LMNA: variants seen among roughly 807,000 people sequenced by gnomAD.
LMNA encodes lamin A/C, also known as lamin.
In LMNA, 20 loss-of-function variants were observed where a neutral mutation model predicts 70.4. That is an observed-to-expected ratio of 0.28 (90% CI 0.20 to 0.41). LMNA has a LOEUF of 0.41. Among genes scored for constraint, LMNA ranks in the 10% least tolerant of loss-of-function variants. LMNA has a pLI of 1.00. For synonymous variants in LMNA, 339 were observed against 372.8 expected, an observed-to-expected ratio of 0.91 and a Z score of 1.04; for missense variants, 652 against 917.2, an observed-to-expected ratio of 0.71 and a Z score of 3.73.
At position 156,121,130 on chromosome 1, in the gene LMNA, A is replaced by G. The variant is rs188397861; in HGVS notation, c.356+5856A>G. Among the ~76,000 whole-genome samples, 17 of 147,596 alleles carry G rather than the reference A, an allele frequency of 1.2e-4. No individual in the cohort carries two copies. The East Asian group carries it at 3.2e-3, about 28-fold the overall frequency. The stretch of plus-strand genomic sequence containing the variant: ...AGTGGCATGATCTTGGCTTACTGCA[A>G]TCTCCACCTCCCAGGCTCAAGTGAT... On this transcript the variant is annotated intron_variant, in intron 1 of 11. Coordinates refer to ENST00000368300, the MANE Select transcript of LMNA (RefSeq NM_170707.4).
At chr1:156,085,023 G>A (rs939199361) in intron 2 of LMNA, among the ~76,000 whole-genome samples, 3 of 152,186 alleles carry the variant, frequency 2.0e-5, no homozygotes, top group African/African-American at 7.2e-5. Context: ...GACCCACTTC[G>A]TCCCTGACCC....
chr1:156,138,580 G>T lies in LMNA; in HGVS notation c.1791G>T (p.Lys597Asn). ...GGACCTGCGGGCAGCCTGCCGACAAGGCATCTGCCAGCGGCTCAGGAGCCC... is the reference window on the plus strand; with the variant it reads ...GGACCTGCGGGCAGCCTGCCGACAATGCATCTGCCAGCGGCTCAGGAGCCC... Reference protein sequence around the residue: ...LCGTCGQPADKASASGSGAQV... With the variant: ...LCGTCGQPADNASASGSGAQV... The change falls in exon 11 of 12, where the codon AAG becomes AAT. Residue 597 changes from lysine (K) to asparagine (N), a missense_variant. By Grantham distance (94) the Lys-to-Asn change is moderately conservative. Coordinates refer to ENST00000368300, the MANE Select transcript of LMNA (RefSeq NM_170707.4). This position sits in a 1 kb window ranked among gnomAD's most constrained non-coding sequence, Gnocchi z 5.5. 6.2e-7 allele frequency: 1 copy of T among 1,612,872 alleles called. No homozygotes were observed. Among genetic ancestry groups the T allele is most frequent in the Non-Finnish European group, 8.5e-7 (1 of 1,179,854 alleles).
intron 1 of LMNA, among the ~76,000 whole-genome samples, chr1:156,118,532 A>G (rs1204676004): frequency 6.6e-6 from 1 of 152,110 alleles, no homozygotes; most frequent in African/African-American, 2.4e-5. Context: ...GTGGATTTGC[A>G]CACCTGGATC....
At chr1:156,125,504 A>T (rs1226427005) in intron 1 of LMNA, among the ~76,000 whole-genome samples, 1 of 152,042 alleles carries the variant, frequency 6.6e-6, no homozygotes, top group Non-Finnish European at 1.5e-5. Flanking sequence ...CCTGGCCAAC[A>T]TGGCGAAACC....
upstream of LMNA, among the ~76,000 whole-genome samples, chr1:156,113,578 G>A (rs1649621291): frequency 2.6e-5 from 4 of 152,304 alleles, no homozygotes; most frequent in Admixed American, 2.6e-4. Flanking sequence ...GCTGGCCTTT[G>A]CAGCCAGCAA....
chr1:156,133,327 T>C (rs918155710), intron 2 of LMNA, among the ~76,000 whole-genome samples: 3 of 151,598 alleles, frequency 2.0e-5, no homozygotes. Flanking sequence ...AATCCCAGCA[T>C]TTTGGGAGGC....
chr1:156,108,117 A>C (rs1649416983), intron 3 of LMNA, among the ~76,000 whole-genome samples: 1 of 152,084 alleles, frequency 6.6e-6, no homozygotes, highest in Non-Finnish European at 1.5e-5. Flanking sequence ...CCTACCTCAT[A>C]AGATTGAGGT....
chr1:156,136,129 G>T lies in LMNA; in HGVS notation c.1157+8G>T. 6.2e-6 allele frequency: 10 copies of T among 1,613,940 alleles called. No homozygotes were observed. Among genetic ancestry groups the T allele is most frequent in the Non-Finnish European group, 8.5e-6 (10 of 1,180,004 alleles). On this transcript the variant is annotated splice_region_variant and intron_variant, in intron 6 of 11. Transcript: ENST00000368300. This position sits in a 1 kb window ranked among gnomAD's most constrained non-coding sequence, Gnocchi z 6.1. Reference sequence around the variant, plus strand: ...GGAGGGCGAGGAGGAGAGGTGGGCTGGGGAGACGTCGGGGAGGTGCTGGCA... The same window carrying T: ...GGAGGGCGAGGAGGAGAGGTGGGCTTGGGAGACGTCGGGGAGGTGCTGGCA...
chr1:156,126,573 G>A lies in LMNA; in HGVS notation c.357-4044G>A, dbSNP rs887429773. The A allele has an allele frequency of 3.7e-6, 3 of 805,652 alleles. No homozygotes were observed. The African/African-American group carries it at 5.0e-5, about 14-fold the overall frequency. The allele number at this position is 805,652 out of a possible 1,614,324, so 49.9% of individuals were successfully genotyped here. On this transcript the variant is annotated intron_variant, in intron 1 of 11. Transcript: ENST00000368300. ...CTTCCCCAAACAGCCCCAAGGGCCC[G>A]GGCCTGCTGCAGCTGGGGAGCCGGA...
At chr1:156,083,647 A>G (rs1464696860) in intron 2 of LMNA, 1 of 152,208 alleles carries the variant, frequency 6.6e-6, no homozygotes, top group Non-Finnish European at 1.5e-5. Context: ...TACTAAAAAT[A>G]CAAAAATTAG....
At chr1:156,093,555 C>G (rs917699682) in intron 3 of LMNA, among the ~76,000 whole-genome samples, 4 of 152,020 alleles carry the variant, frequency 2.6e-5, no homozygotes, top group Non-Finnish European at 4.4e-5. Flanking sequence ...ATCTGCCCGC[C>G]TTGGCCTCCC....
At position 156,134,812 on chromosome 1, in the gene LMNA, G is replaced by T. The variant is rs757041809; in HGVS notation, c.647G>T (p.Arg216Leu). The T allele has an allele frequency of 6.2e-7, 1 of 1,614,060 alleles. No individual in the cohort carries two copies. Among genetic ancestry groups the T allele is most frequent in the Non-Finnish European group, 8.5e-7 (1 of 1,180,036 alleles). ...TTCCTCCAACCCTTCCAGGAGCTGC[G>T]TGAGACCAAGCGCCGTCATGAGACC... ...FQKNIYSEEL[R>L]ETKRRHETRL... is the part of the protein sequence containing the mutation. Residue 216 changes from arginine to leucine, a missense_variant, in exon 4 of 12, where the codon CGT becomes CTT. Physicochemically the swap from Arg to Leu is moderately radical, Grantham distance 102 (BLOSUM62 -2). Around this residue, in one of 4 missense-constraint regions of LMNA, gnomAD observed 254 missense variants for 421.9 expected, o/e 0.60. Coordinates refer to ENST00000368300, the MANE Select transcript of LMNA (RefSeq NM_170707.4). This position sits in a 1 kb window ranked among gnomAD's most constrained non-coding sequence, Gnocchi z 5.3.
intron 3 of LMNA, among the ~76,000 whole-genome samples, chr1:156,104,706 C>T (rs539875763): frequency 2.4e-4 from 36 of 152,296 alleles, no homozygotes; most frequent in South Asian, 6.2e-4. Context: ...AGCCTGGCAA[C>T]GGCTAGTGCG....
upstream of LMNA, chr1:156,114,566 T>C: frequency 3.3e-6 from 1 of 306,412 alleles, no homozygotes; most frequent in Non-Finnish European, 6.0e-6. Context: ...GGGGCCCGAC[T>C]CCGCCACACC....
chr1:156,137,690 G>T lies in LMNA; in HGVS notation c.1645G>T (p.Val549Leu). Reference protein sequence around the residue: ...AMRKLVRSVTVVEDDEDEDGD... With the variant: ...AMRKLVRSVTLVEDDEDEDGD... The stretch of plus-strand genomic sequence containing the variant: ...GCGCAAGCTGGTGCGCTCAGTGACT[G>T]TGGTTGAGGACGACGAGGATGAGGA... The change falls in exon 10 of 12, where the codon GTG becomes TTG. Residue 549 changes from valine to leucine, a missense_variant. Coordinates refer to ENST00000368300, the MANE Select transcript of LMNA (RefSeq NM_170707.4). The surrounding 1 kb of genome is among the most constrained non-coding windows in gnomAD (Gnocchi z 4.6). 1 of 1,556,436 alleles carries T rather than the reference G, an allele frequency of 6.4e-7. No homozygotes were observed. The highest frequency in any genetic ancestry group is 1.2e-5 in the South Asian group (1 of 84,312).
chr1:156,089,451 A>C (rs965923545), intron 2 of LMNA, among the ~76,000 whole-genome samples: 1 of 151,056 alleles, frequency 6.6e-6, no homozygotes, highest in Non-Finnish European at 1.5e-5. Context: ...GCGCACCCCC[A>C]CGCCCAGCTA....
chr1:156,095,430 C>T (rs1322596945), intron 3 of LMNA, among the ~76,000 whole-genome samples: 9 of 151,936 alleles, frequency 5.9e-5, no homozygotes, highest in Admixed American at 4.6e-4. Flanking sequence ...TCTCAGTTTC[C>T]TCTTCTCAAG....
chr1:156,100,765 C>G (rs991961501), intron 3 of LMNA, among the ~76,000 whole-genome samples: 1 of 152,110 alleles, frequency 6.6e-6, no homozygotes, highest in African/African-American at 2.4e-5. Context: ...GTATTGAGAA[C>G]CTTTTGTGCA....
At position 156,103,653 on chromosome 1, in the gene LMNA, C is replaced by A. The variant is rs921755159; in HGVS notation, c.-206-11060C>A. 1.3e-5 allele frequency among the ~76,000 whole-genome samples: 2 copies of A among 152,132 alleles called. No individual in the cohort carries two copies. The highest frequency in any genetic ancestry group is 4.8e-5 in the African/African-American group (2 of 41,414). ...GACTAGCTCTCCTGTGTCCCCTCTC[C>A]GGGGGCTGCCCCCTCCCAGTTTCTG... On this transcript the variant is annotated intron_variant, in intron 3 of 12. Coordinates refer to the LMNA transcript ENST00000368301. This position sits in a 1 kb window ranked among gnomAD's most constrained non-coding sequence, Gnocchi z 4.7.
Sources: allele counts gnomAD v4.1 joint callset (sites outside exome capture counted in the v4.1 genomes callset), GRCh38; gene constraint gnomAD v4.1.1; regional missense constraint gnomAD v4.1.1; non-coding constraint Gnocchi (gnomAD v3.1); transcripts MANE v1.5; gene names NCBI Gene and HGNC (gene_info 2026-07-23, HGNC 2026-07-21).